The following RBFOX1 variants were observed in gnomAD, a reference collection of about 807,000 sequenced individuals.
RBFOX1 encodes RNA binding protein fox-1 homolog 1.
A neutral mutation model predicts 57.7 loss-of-function variants in RBFOX1; 8 were observed. The ratio of observed to expected loss-of-function variants is 0.14; its 90% CI spans 0.08 to 0.25. The LOEUF is 0.25. RBFOX1 is among the 10% of genes least tolerant of loss of function. The pLI is 1.00. For synonymous variants in RBFOX1, 326 were observed against 222.4 expected, an observed-to-expected ratio of 1.47 and a Z score of -4.15; for missense variants, 611 against 548.5, an observed-to-expected ratio of 1.11 and a Z score of -1.14.
intron 2 of RBFOX1, among the ~76,000 whole-genome samples, chr16:6,475,117 C>G (rs1044229227): frequency 6.6e-6 from 1 of 152,168 alleles, no homozygotes; most frequent in African/African-American, 2.4e-5. Flanking sequence ...AGACTTCCAA[C>G]AAAATAGTAC....
At position 6,410,085 on chromosome 16, in the gene RBFOX1, T is replaced by C. The variant is rs74682965; in HGVS notation, c.-64+93028T>C. 0.018 allele frequency among the ~76,000 whole-genome samples: 2,685 copies of C among 152,048 alleles called. 172 individuals carry two copies. In the East Asian group the frequency reaches 0.22, roughly 13 times the overall value. On this transcript the variant is annotated intron_variant, in intron 2 of 15. Coordinates refer to ENST00000550418, the MANE Select transcript of RBFOX1 (RefSeq NM_018723.4). ...GCCTCTGTTAAAGAACCATCTCACA[T>C]TCCTGGAGTTTGTTTTGGGATCACA...
At chr16:5,832,301 C>G (rs1325487208) in intron 3 of RBFOX1, among the ~76,000 whole-genome samples, 2 of 152,200 alleles carry the variant, frequency 1.3e-5, no homozygotes, top group African/African-American at 4.8e-5. Flanking sequence ...AGTTCCAAAC[C>G]TTACTGGCTA....
intron 4 of RBFOX1, among the ~76,000 whole-genome samples, chr16:7,418,754 C>G (rs1252500920): frequency 1.4e-5 from 2 of 140,316 alleles, no homozygotes; most frequent in African/African-American, 2.7e-5. Context: ...CTCTTTTCTC[C>G]TCTCTCTCAC....
intron 3 of RBFOX1, among the ~76,000 whole-genome samples, chr16:6,714,968 G>A (rs919718969): frequency 1.3e-5 from 2 of 152,132 alleles, no homozygotes; most frequent in Non-Finnish European, 2.9e-5. Context: ...AAGGAATTGT[G>A]GTTAAGCCTC....
At chr16:5,277,594 A>AT (rs1050191848) in intron 1 of RBFOX1, among the ~76,000 whole-genome samples, 2 of 152,188 alleles carry the variant, frequency 1.3e-5, no homozygotes, top group African/African-American at 4.8e-5. Context: ...GGTAACTATC[A>AT]TTCTACTCTT....
intron 3 of RBFOX1, among the ~76,000 whole-genome samples, chr16:6,867,815 G>T (rs998895175): frequency 1.3e-5 from 2 of 152,150 alleles, no homozygotes; most frequent in Non-Finnish European, 2.9e-5. Flanking sequence ...TTTATCCCTT[G>T]ATCCTGGTGT....
chr16:5,306,633 G>A (rs190063578), intron 1 of RBFOX1, among the ~76,000 whole-genome samples: 1 of 152,264 alleles, frequency 6.6e-6, no homozygotes, highest in East Asian at 1.9e-4. Context: ...CTGATGATTA[G>A]AGCTTTATCA....
At chr16:6,318,145 T>A (rs1175778966) in intron 2 of RBFOX1, among the ~76,000 whole-genome samples, 1 of 148,152 alleles carries the variant, frequency 6.7e-6, no homozygotes, top group Non-Finnish European at 1.5e-5. Flanking sequence ...TAGAAAGAAC[T>A]AAAAAGATGG....
At chr16:6,871,008 G>T (rs1159839806) in intron 3 of RBFOX1, among the ~76,000 whole-genome samples, 1 of 152,218 alleles carries the variant, frequency 6.6e-6, no homozygotes, top group Non-Finnish European at 1.5e-5. Context: ...AATAACAGAT[G>T]CTCATTAAAT....
intron 1 of RBFOX1, among the ~76,000 whole-genome samples, chr16:6,273,398 G>A (rs2075436047): frequency 7.4e-6 from 1 of 134,752 alleles, no homozygotes; most frequent in East Asian, 2.3e-4. Context: ...AGGCTGGAGT[G>A]CAATGACAAA....
intron 3 of RBFOX1, among the ~76,000 whole-genome samples, chr16:5,666,345 A>G (rs1361031147): frequency 1.3e-5 from 2 of 152,302 alleles, no homozygotes; most frequent in African/African-American, 4.8e-5. Flanking sequence ...AGGTCTTACA[A>G]TTCCTCAGCA....
At chr16:6,025,437 G>C (rs1233490770) in intron 1 of RBFOX1, among the ~76,000 whole-genome samples, 1 of 152,194 alleles carries the variant, frequency 6.6e-6, no homozygotes, top group Non-Finnish European at 1.5e-5. Context: ...GGATACATCT[G>C]TATACATTAG....
At chr16:6,261,225 G>T (rs2097699689) in intron 1 of RBFOX1, among the ~76,000 whole-genome samples, 1 of 152,188 alleles carries the variant, frequency 6.6e-6, no homozygotes, top group South Asian at 2.1e-4. Context: ...ATTGGCAATT[G>T]TTTCTTCCCT....
chr16:5,832,247 C>T (rs184045141), intron 3 of RBFOX1, among the ~76,000 whole-genome samples: 168 of 152,322 alleles, frequency 1.1e-3, no homozygotes, highest in Non-Finnish European at 2.0e-3. Context: ...CCAGGGCCTC[C>T]TGAAACAGGA....
chr16:7,660,652 T>G (rs1364359919), intron 12 of RBFOX1, among the ~76,000 whole-genome samples: 1 of 152,200 alleles, frequency 6.6e-6, no homozygotes, highest in African/African-American at 2.4e-5. Context: ...GAGGATGGTG[T>G]TGCATAGAGC....
At chr16:5,784,142 C>G (rs2054417611) in intron 3 of RBFOX1, among the ~76,000 whole-genome samples, 1 of 152,056 alleles carries the variant, frequency 6.6e-6, no homozygotes, top group African/African-American at 2.4e-5. Context: ...AAGCAGGCAG[C>G]CGGGCGCGGT....
intron 3 of RBFOX1, among the ~76,000 whole-genome samples, chr16:5,800,137 C>T (rs535338909): frequency 8.6e-5 from 13 of 151,898 alleles, no homozygotes; most frequent in African/African-American, 2.7e-4. Flanking sequence ...GTACAGAAAA[C>T]TGTAGAACAA....
At chr16:5,741,575 C>T (rs142506844) in intron 3 of RBFOX1, among the ~76,000 whole-genome samples, 48 of 152,256 alleles carry the variant, frequency 3.2e-4, no homozygotes, top group African/African-American at 1.2e-3. Flanking sequence ...GATGTAAAAA[C>T]ATATTTTATA....
intron 2 of RBFOX1, among the ~76,000 whole-genome samples, chr16:6,647,580 T>G (rs2098544112): frequency 6.6e-6 from 1 of 152,168 alleles, no homozygotes; most frequent in Admixed American, 6.5e-5. Flanking sequence ...TCATTTAACC[T>G]TAATCACTTC....
Sources: allele counts gnomAD v4.1 joint callset (sites outside exome capture counted in the v4.1 genomes callset), GRCh38; gene constraint gnomAD v4.1.1; transcripts MANE v1.5; gene names NCBI Gene and HGNC (gene_info 2026-07-23, HGNC 2026-07-21).